The following RALY variants were observed in gnomAD, a reference collection of about 807,000 sequenced individuals.
The protein encoded by RALY is RNA-binding protein Raly.
A neutral mutation model predicts 30.7 loss-of-function variants in RALY; 15 were observed. That is an observed-to-expected ratio of 0.49 (90% CI 0.33 to 0.75). The LOEUF (loss-of-function observed/expected upper bound fraction) is 0.75, where lower values mean the gene tolerates loss of function less well. Ranked by LOEUF, RALY falls within the 30% of genes least tolerant of loss-of-function variation. RALY has a pLI of 0.02. For missense variants in RALY, 339 were observed against 414.3 expected (o/e 0.82, Z 1.58); for synonymous variants, 177 against 170.8 (o/e 1.04, Z -0.28).
chr20:34,070,502 A>G (rs1254925885), intron 2 of RALY, among the ~76,000 whole-genome samples: 1 of 152,242 alleles, frequency 6.6e-6, no homozygotes, highest in East Asian at 1.9e-4. Context: ...AACAGAACAA[A>G]ATTTGAACGA....
rs191685459 is a variant in RALY at position 34,023,183 on chromosome 20, A to G, written c.-92-8339A>G. On this transcript the variant is annotated intron_variant, in intron 1 of 9. Transcript: ENST00000246194. ...GCAGTTTACGTAATTTTTTCCCCTC[A>G]TTTATCTTCACTATTCTGAGGTAGG... 2.6e-5 allele frequency among the ~76,000 whole-genome samples: 4 copies of G among 152,238 alleles called. No individual in the cohort carries two copies. In the East Asian group the frequency reaches 5.8e-4, roughly 22 times the overall value.
rs1012234214 is a variant in RALY, at chr20:34,073,824, A to C, written c.335A>C (p.Tyr112Ser). ...TCTCCCCTTTGTTTCCCCAGTGGCTACATCTTTGACTATGATTACTACCGG... is the reference window on the plus strand; with the variant it reads ...TCTCCCCTTTGTTTCCCCAGTGGCTCCATCTTTGACTATGATTACTACCGG... Reference protein sequence around the residue: ...KRAASAIYSGYIFDYDYYRDD... With the variant: ...KRAASAIYSGSIFDYDYYRDD... The change falls in exon 5 of 10, where the codon TAC becomes TCC. Residue 112 changes from tyrosine (Y) to serine (S), a missense_variant. Physicochemically the swap from Tyr to Ser is moderately radical, Grantham distance 144. Transcript: ENST00000246194. 3 of 1,614,090 alleles carry C rather than the reference A, an allele frequency of 1.9e-6. No homozygotes were observed. The South Asian group carries it at 3.3e-5, about 18-fold the overall frequency.
chr20:34,024,940 A>C (rs1347532156), intron 1 of RALY, among the ~76,000 whole-genome samples: 2 of 152,184 alleles, frequency 1.3e-5, no homozygotes, highest in African/African-American at 4.8e-5. Context: ...CAAGCCTTAC[A>C]GAAGGGTTGA....
chr20:34,054,691 T>C (rs1266427554), intron 2 of RALY, among the ~76,000 whole-genome samples: 1 of 152,030 alleles, frequency 6.6e-6, no homozygotes, highest in Non-Finnish European at 1.5e-5. Flanking sequence ...CCAGGCGTGA[T>C]GGTGTATGCC....
At chr20:34,035,176 A>AAAC (rs2032444574) in intron 2 of RALY, among the ~76,000 whole-genome samples, 1 of 138,574 alleles carries the variant, frequency 7.2e-6, no homozygotes, top group Non-Finnish European at 1.5e-5. Context: ...AAAAAAAAAA[A>AAAC]AAAAAAAAAA....
intron 1 of RALY, among the ~76,000 whole-genome samples, chr20:34,014,683 A>G (rs1367218654): frequency 6.6e-6 from 1 of 152,234 alleles, no homozygotes; most frequent in Non-Finnish European, 1.5e-5. Context: ...ATAATTAAAA[A>G]TTAAAAATTT....
At chr20:34,042,215 A>G (rs1171449148) in intron 2 of RALY, among the ~76,000 whole-genome samples, 1 of 152,122 alleles carries the variant, frequency 6.6e-6, no homozygotes, top group African/African-American at 2.4e-5. Context: ...ACCCTTACCA[A>G]ACAAAGACGA....
chr20:34,040,043 G>A (rs565699640), intron 2 of RALY, among the ~76,000 whole-genome samples: 12 of 152,104 alleles, frequency 7.9e-5, no homozygotes, highest in East Asian at 3.9e-4. Context: ...CCCAGGAGGC[G>A]GAGGTTGCAG....
chr20:34,045,214 G>A (rs796784612), intron 2 of RALY, among the ~76,000 whole-genome samples: 1 of 152,240 alleles, frequency 6.6e-6, no homozygotes, highest in African/African-American at 2.4e-5. Flanking sequence ...TGTGCCCAGC[G>A]TAGAACTTAT....
intron 1 of RALY, among the ~76,000 whole-genome samples, chr20:34,013,742 C>T (rs2031500605): frequency 6.6e-6 from 1 of 152,200 alleles, no homozygotes; most frequent in South Asian, 2.1e-4. Context: ...CAAATCCTCT[C>T]TCATTCATTG....
intron 2 of RALY, among the ~76,000 whole-genome samples, chr20:34,042,645 G>T (rs1330583238): frequency 6.6e-6 from 1 of 152,228 alleles, no homozygotes; most frequent in Non-Finnish European, 1.5e-5. Context: ...ACCAGCAGAA[G>T]TAGAATAGCT....
At chr20:34,036,747 G>A (rs193302617) in intron 2 of RALY, among the ~76,000 whole-genome samples, 163 of 151,944 alleles carry the variant, frequency 1.1e-3, no homozygotes, top group Non-Finnish European at 2.0e-3. Flanking sequence ...TTCTTTTTGA[G>A]TCACTTTTGA....
intron 1 of RALY, chr20:34,017,880 G>T (rs2031668166): frequency 6.6e-6 from 1 of 152,306 alleles, no homozygotes; most frequent in African/African-American, 2.4e-5. Flanking sequence ...TCACAATCTA[G>T]CATCAGAGTC....
chr20:34,043,693 C>T (rs1018349478), intron 2 of RALY, among the ~76,000 whole-genome samples: 1 of 152,166 alleles, frequency 6.6e-6, no homozygotes, highest in Admixed American at 6.5e-5. Context: ...ATTAGAGAAA[C>T]CATCTTTGGG....
intron 2 of RALY, among the ~76,000 whole-genome samples, chr20:34,050,347 G>T (rs1461941219): frequency 6.6e-6 from 1 of 152,192 alleles, no homozygotes; most frequent in Non-Finnish European, 1.5e-5. Context: ...ATGCAAGAGA[G>T]CCTCTAGTTA....
Position 34,073,884 on chromosome 20 carries a change from G to A in RALY, c.377+18G>A, listed in dbSNP as rs760498064. 60 of 1,612,516 alleles carry A rather than the reference G, an allele frequency of 3.7e-5. No homozygotes were observed. Among genetic ancestry groups the A allele is most frequent in the East Asian group, 1.3e-4 (6 of 44,882 alleles). On this transcript the variant is annotated intron_variant, in intron 5 of 9. Coordinates refer to ENST00000246194, the MANE Select transcript of RALY (RefSeq NM_016732.3). ...TACGACAGGTGAGCAGGGGAGGGGC[G>A]TGCCCAGGCATGAAACAGCCAAGCT...
chr20:34,056,476 A>G (rs1466541039), intron 2 of RALY, among the ~76,000 whole-genome samples: 1 of 152,226 alleles, frequency 6.6e-6, no homozygotes, highest in Non-Finnish European at 1.5e-5. Flanking sequence ...TGACTGGACT[A>G]TAAATTCTTC....
intron 2 of RALY, among the ~76,000 whole-genome samples, chr20:34,061,404 G>A (rs570655564): frequency 4.6e-5 from 7 of 152,308 alleles, no homozygotes; most frequent in African/African-American, 1.4e-4. Flanking sequence ...TGAAGGACTT[G>A]GAAAGAAATG....
rs569681628 is a variant in RALY, at chr20:34,083,740, C to T, written c.*3835C>T. On this transcript the variant is annotated 3_prime_UTR_variant, in exon 10 of 10. Coordinates refer to ENST00000246194, the MANE Select transcript of RALY (RefSeq NM_016732.3). ...TTTGCCATCCCTGGCCAGGTTGACC[C>T]GTAAGGTCATAACCTGCCCCATAGG... The T allele has an allele frequency of 2.2e-4, 34 of 152,340 alleles. No homozygotes were observed. The highest frequency in any genetic ancestry group is 7.2e-4 in the African/African-American group (30 of 41,572). The allele number at this position is 152,340 out of a possible 1,614,324, so 9.4% of individuals were successfully genotyped here.
Sources: gnomAD v4.1 joint callset for allele counts (sites outside exome capture counted in the v4.1 genomes callset) on GRCh38, gnomAD v4.1.1 for gene constraint, MANE v1.5 for transcripts, NCBI Gene and HGNC (gene_info 2026-07-23, HGNC 2026-07-21) for gene names.